Variants in ABCG8 observed in about 807,000 individuals in gnomAD.
The protein encoded by ABCG8 is ATP-binding cassette sub-family G member 8.
In ABCG8, 81 loss-of-function variants were observed where a neutral mutation model predicts 71.3. The observed-to-expected ratio is 1.14, with a 90% CI of 0.95 to 1.37. The LOEUF (loss-of-function observed/expected upper bound fraction) is 1.37. Among genes scored for constraint, ABCG8 ranks in the 40% most tolerant of loss-of-function variants. ABCG8 has a pLI of 0.00. For synonymous variants in ABCG8, 451 were observed against 354.7 expected, an observed-to-expected ratio of 1.27 and a Z score of -3.05; for missense variants, 1,119 against 866.2, an observed-to-expected ratio of 1.29 and a Z score of -3.66.
In ABCG8 at chr2:43,852,368, C is replaced by A. The variant is rs148058949; in HGVS notation, c.576C>A (p.Ile192=). ...CTGGCCCACAGGTGGAGGACGTGATCGCGGAGCTGCGGCTTAGGCAGTGCG... is the reference window on the plus strand; with the variant it reads ...CTGGCCCACAGGTGGAGGACGTGATAGCGGAGCTGCGGCTTAGGCAGTGCG... ...AQRDKRVEDV[I]AELRLRQCAD... is the part of the protein sequence containing the mutation. Residue 192 remains isoleucine (I), a synonymous_variant, in exon 5 of 13, where the codon ATC becomes ATA. Transcript: ENST00000272286. The A allele has an allele frequency of 9.9e-6, 16 of 1,612,250 alleles. No individual in the cohort carries two copies. The highest frequency in any genetic ancestry group is 3.3e-5 in the Admixed American group (2 of 60,020).
chr2:43,860,110 A>C (rs1381636854), intron 6 of ABCG8, among the ~76,000 whole-genome samples: 1 of 136,392 alleles, frequency 7.3e-6, no homozygotes, highest in Non-Finnish European at 1.6e-5. Context: ...TCTGGATAGA[A>C]TTATCATCCT....
chr2:43,877,641 T>A lies in ABCG8; in HGVS notation c.1837T>A (p.Tyr613Asn). The change falls in exon 12 of 13, where the codon TAT (tyrosine) becomes AAT (asparagine). Residue 613 changes from tyrosine to asparagine, a missense_variant. Physicochemically the swap from Tyr to Asn is moderately radical, Grantham distance 143. Coordinates refer to ENST00000272286, the MANE Select transcript of ABCG8 (RefSeq NM_022437.3). ...LMKIQFSRRT[Y>N]KMPLGNLTIA... ...GAAGATTCAGTTCAGCAGAAGAACT[T>A]ATAAAATGCCTCTCGGGAACCTCAC... The A allele has an allele frequency of 1.2e-6, 2 of 1,614,076 alleles. No individual in the cohort carries two copies. Among genetic ancestry groups the A allele is most frequent in the Non-Finnish European group, 8.5e-7 (1 of 1,180,002 alleles).
Position 43,875,308 on chromosome 2 carries a change from G to A in ABCG8, c.1651G>A (p.Ala551Thr). 6.2e-7 allele frequency: 1 copy of A among 1,614,116 alleles called. No homozygotes were observed. Among genetic ancestry groups the A allele is most frequent in the East Asian group, 2.2e-5 (1 of 44,864 alleles). ...CCRIMALAAA[A>T]LLPTFHMASF... ...CAGGATTATGGCCCTGGCCGCCGCG[G>A]CCCTGCTCCCCACCTTCCACATGGC... The change falls in exon 11 of 13, where the codon GCC becomes ACC. Residue 551 changes from alanine to threonine, a missense_variant. Physicochemically the swap from Ala to Thr is moderately conservative, Grantham distance 58. Transcript: ENST00000272286.
chr2:43,874,306 T>A lies in ABCG8; in HGVS notation c.1412-101T>A. 5 of 1,055,290 alleles carry A rather than the reference T, an allele frequency of 4.7e-6. No individual in the cohort carries two copies. In the South Asian group the frequency reaches 6.4e-5, roughly 14 times the overall value. The allele number at this position is 1,055,290 out of a possible 1,614,324, so 65.4% of individuals were successfully genotyped here. ...AAAAAAAAATTAGAGACTTGGGCAA[T>A]ATGATAACTACTTTGAATTGTATTA... On this transcript the variant is annotated intron_variant, in intron 9 of 12. Coordinates refer to ENST00000272286, the MANE Select transcript of ABCG8 (RefSeq NM_022437.3).
chr2:43,874,388 C>G lies in ABCG8; in HGVS notation c.1412-19C>G, dbSNP rs746899942. 5.8e-6 allele frequency: 9 copies of G among 1,558,298 alleles called. No individual in the cohort carries two copies. Among genetic ancestry groups the G allele is most frequent in the East Asian group, 2.3e-5 (1 of 44,026 alleles). On this transcript the variant is annotated intron_variant, in intron 9 of 12. Transcript: ENST00000272286. ...TTATTCTACTTCTTCATTCTCTTTTCCTTTCCCTTACTTTTTAGGTTACTC... is the reference window on the plus strand; with the variant it reads ...TTATTCTACTTCTTCATTCTCTTTTGCTTTCCCTTACTTTTTAGGTTACTC...
intron 11 of ABCG8, 49 bp from the exon 12 acceptor site, chr2:43,877,512 C>T (rs371084560): frequency 6.1e-5 from 99 of 1,611,792 alleles, no homozygotes; most frequent in African/African-American, 9.4e-5. Flanking sequence ...ATGGGGAAAC[C>T]ATGAGAATAT....
chr2:43,874,422 C>T lies in ABCG8; in HGVS notation c.1427C>T (p.Ala476Val). ...DVISKCYSERAMLYYELEDGL... is the reference protein window; with the variant it reads ...DVISKCYSERVMLYYELEDGL... ...TACTTTTTAGGTTACTCAGAGAGGG[C>T]AATGCTTTACTATGAACTGGAAGAC... The change falls in exon 10 of 13, where the codon GCA becomes GTA. Residue 476 changes from alanine to valine, a missense_variant. Transcript: ENST00000272286. 3 of 1,612,288 alleles carry T rather than the reference C, an allele frequency of 1.9e-6. No homozygotes were observed. The highest frequency in any genetic ancestry group is 2.5e-6 in the Non-Finnish European group (3 of 1,178,396).
chr2:43,844,634 G>A (rs776139074), intron 2 of ABCG8, 26 bp downstream of exon 2: 1 of 1,572,358 alleles, frequency 6.4e-7, no homozygotes, highest in Non-Finnish European at 8.8e-7. Flanking sequence ...GGTTCAAGGG[G>A]AGAGGAGCAG....
At chr2:43,862,270 C>T (rs1487819753) in intron 6 of ABCG8, among the ~76,000 whole-genome samples, 3 of 145,142 alleles carry the variant, frequency 2.1e-5, no homozygotes, top group Non-Finnish European at 4.6e-5. Context: ...ATAGAACTCT[C>T]ACTATCTGGG....
At chr2:43,844,718 G>A (rs1668688820) in intron 2 of ABCG8, 110 bp downstream of exon 2, 2 of 791,210 alleles carry the variant, frequency 2.5e-6, no homozygotes, top group African/African-American at 3.4e-5. Context: ...TGCCCGCAAG[G>A]ACAGAGTCCA....
intron 6 of ABCG8, among the ~76,000 whole-genome samples, chr2:43,865,169 A>G (rs1022037984): frequency 2.0e-5 from 3 of 151,382 alleles, no homozygotes; most frequent in African/African-American, 4.9e-5. Context: ...TCTATGTAGA[A>G]TTCTCAACAT....
Position 43,851,681 on chromosome 2 carries a change from G to A in ABCG8, c.420G>A (p.Ser140=), listed in dbSNP as rs1384920384. ...GQIWINGQPS[S]PQLVRKCVAH... ...TCTGGATCAATGGGCAGCCCAGCTC[G>A]CCTCAGCTGGTGAGGAAGTGTGTGG... The change falls in exon 4 of 13, where the codon TCG becomes TCA. Residue 140 remains serine (S), a synonymous_variant. Coordinates refer to ENST00000272286, the MANE Select transcript of ABCG8 (RefSeq NM_022437.3). 9.3e-6 allele frequency: 15 copies of A among 1,614,240 alleles called. No individual in the cohort carries two copies. The highest frequency in any genetic ancestry group is 1.3e-5 in the African/African-American group (1 of 75,058).
At chr2:43,860,076 A>G (rs1390928934) in intron 6 of ABCG8, among the ~76,000 whole-genome samples, 1 of 146,734 alleles carries the variant, frequency 6.8e-6, no homozygotes, top group Non-Finnish European at 1.5e-5. Context: ...TAGAATTCTC[A>G]CCCTCTGGAC....
At chr2:43,856,464 A>G (rs764967865) in intron 6 of ABCG8, among the ~76,000 whole-genome samples, 2 of 151,716 alleles carry the variant, frequency 1.3e-5, no homozygotes, top group African/African-American at 2.4e-5. Context: ...AACTCTCACT[A>G]TCTGGATAGA....
chr2:43,859,577 A>T (rs1669232346), intron 6 of ABCG8, among the ~76,000 whole-genome samples: 1 of 151,218 alleles, frequency 6.6e-6, no homozygotes, highest in South Asian at 2.1e-4. Flanking sequence ...CTGTGGATAG[A>T]ACTGTCGCTA....
intron 10 of ABCG8, among the ~76,000 whole-genome samples, 158 bp downstream of exon 10, chr2:43,874,641 C>T (rs565205052): frequency 2.6e-5 from 4 of 152,284 alleles, no homozygotes; most frequent in African/African-American, 9.6e-5. Context: ...AGGGGAGTTT[C>T]AGAGACTTGA....
At chr2:43,874,928 G>T (rs544848085) in intron 10 of ABCG8, among the ~76,000 whole-genome samples, 1 of 152,198 alleles carries the variant, frequency 6.6e-6, no homozygotes, top group Non-Finnish European at 1.5e-5. Context: ...CTGCCCTGGG[G>T]GAAACAGGCT....
intron 6 of ABCG8, among the ~76,000 whole-genome samples, chr2:43,869,289 A>G (rs907860782): frequency 6.6e-6 from 1 of 152,090 alleles, no homozygotes; most frequent in Non-Finnish European, 1.5e-5. Context: ...CTATCTGGAT[A>G]GTATTCTCGC....
At chr2:43,852,286 G>A (rs979453701) in intron 4 of ABCG8, 68 bp from the exon 5 acceptor site, 135 of 1,608,002 alleles carry the variant, frequency 8.4e-5, no homozygotes, top group Non-Finnish European at 1.0e-4. Flanking sequence ...CTTTATCCTT[G>A]GGGTCACAAT....
Sources: gnomAD v4.1 joint callset for allele counts (sites outside exome capture counted in the v4.1 genomes callset) on GRCh38, gnomAD v4.1.1 for gene constraint, MANE v1.5 for transcripts, NCBI Gene and HGNC (gene_info 2026-07-23, HGNC 2026-07-21) for gene names.